TMEM134: variants seen among roughly 807,000 people sequenced by gnomAD.
TMEM134 encodes the protein transmembrane protein 134.
Under a neutral mutation model 26.2 loss-of-function variants are expected in TMEM134, and 36 were observed. That is an observed-to-expected ratio of 1.37 (90% CI 1.05 to 1.81). TMEM134 has a LOEUF of 1.81. TMEM134 is among the 40% of genes most tolerant of loss of function. TMEM134 has a pLI of 0.00. For missense variants in TMEM134, 339 were observed against 263.5 expected, an observed-to-expected ratio of 1.29 and a Z score of -1.98; for synonymous variants, 133 against 113.6, an observed-to-expected ratio of 1.17 and a Z score of -1.08.
At position 67,464,436 on chromosome 11, in the gene TMEM134, G is replaced by C; in HGVS notation, c.*178C>G. Reference sequence around the variant, plus strand: ...CGGCCCGAGAATAAGTTAAGGCACAGAGCAGGCGACGGGCGGCTTTCCCAG... The same window carrying C: ...CGGCCCGAGAATAAGTTAAGGCACACAGCAGGCGACGGGCGGCTTTCCCAG... On this transcript the variant is annotated 3_prime_UTR_variant, in exon 7 of 7. Coordinates refer to ENST00000308022, the MANE Select transcript of TMEM134 (RefSeq NM_025124.4). 19 of 645,390 alleles carry C rather than the reference G, an allele frequency of 2.9e-5. No individual in the cohort carries two copies. In the South Asian group the frequency reaches 3.5e-4, roughly 12 times the overall value. The allele number at this position is 645,390 out of a possible 1,614,324, so 40.0% of individuals were successfully genotyped here.
In TMEM134 at chr11:67,468,086, C is replaced by G. The variant is rs1167588299; in HGVS notation, c.181G>C (p.Glu61Gln). 6.4e-7 allele frequency: 1 copy of G among 1,563,496 alleles called. No individual in the cohort carries two copies. The highest frequency in any genetic ancestry group is 8.7e-7 in the Non-Finnish European group (1 of 1,153,554). ...KQSRLRYQNLENDEDGAQASP... is the reference protein window; with the variant it reads ...KQSRLRYQNLQNDEDGAQASP... ...GCCTGGGCTCCATCCTCATCGTTCT[C>G]CAGGTTCTGTTGCAGAACACAGGTC... is the stretch of plus-strand genomic sequence containing the variant. Residue 61 changes from glutamate to glutamine, a missense_variant, in exon 2 of 7, where the codon GAG (glutamate) becomes CAG (glutamine). Physicochemically the swap from Glu to Gln is conservative, Grantham distance 29. Coordinates refer to ENST00000308022, the MANE Select transcript of TMEM134 (RefSeq NM_025124.4).
chr11:67,464,891 G>T, intron 5 of TMEM134, 35 bp from the exon 6 acceptor site: 1 of 1,607,216 alleles, frequency 6.2e-7, no homozygotes. Flanking sequence ...CAGGGCGAGG[G>T]GGCGGAGGCT....
At chr11:67,464,734 C>A (rs917892903) in intron 6 of TMEM134, 38 bp from the exon 7 acceptor site, 11 of 1,549,410 alleles carry the variant, frequency 7.1e-6, no homozygotes, top group African/African-American at 5.5e-5. Context: ...AGCCCCGCCC[C>A]TCCCCGCAAC....
chr11:67,465,913 T>C lies in TMEM134; in HGVS notation c.407-813A>G, dbSNP rs61889865. The C allele has an allele frequency of 2.0e-5, 3 of 150,964 alleles. No individual in the cohort carries two copies. In the East Asian group the frequency reaches 5.8e-4, roughly 29 times the overall value. The allele number at this position is 150,964 out of a possible 1,614,324, so 9.4% of individuals were successfully genotyped here. ...TAGTGAGACCTTGTCTCTATTATTA[T>C]TTTAAAAAAAAAAAAATTAGCTGAG... On this transcript the variant is annotated intron_variant, in intron 4 of 6. Coordinates refer to ENST00000308022, the MANE Select transcript of TMEM134 (RefSeq NM_025124.4).
At position 67,464,430 on chromosome 11, in the gene TMEM134, G is replaced by A; in HGVS notation, c.*184C>T. Reference sequence around the variant, plus strand: ...GCCGCACGGCCCGAGAATAAGTTAAGGCACAGAGCAGGCGACGGGCGGCTT... The same window carrying A: ...GCCGCACGGCCCGAGAATAAGTTAAAGCACAGAGCAGGCGACGGGCGGCTT... On this transcript the variant is annotated 3_prime_UTR_variant, in exon 7 of 7. Coordinates refer to ENST00000308022, the MANE Select transcript of TMEM134 (RefSeq NM_025124.4). 1.6e-6 allele frequency: 1 copy of A among 634,666 alleles called. No homozygotes were observed. Among genetic ancestry groups the A allele is most frequent in the Non-Finnish European group, 2.8e-6 (1 of 355,818 alleles). The allele number at this position is 634,666 out of a possible 1,614,324, so 39.3% of individuals were successfully genotyped here.
chr11:67,464,591 A>G lies in TMEM134; in HGVS notation c.*23T>C, dbSNP rs1333824611. On this transcript the variant is annotated 3_prime_UTR_variant, in exon 7 of 7. Transcript: ENST00000308022. ...GCAAGAGGGGCGCCCCCATGGGCGC[A>G]AGGGGTCCACGCTGCGCCGCGATCA... 1 of 1,551,316 alleles carries G rather than the reference A, an allele frequency of 6.4e-7. No individual in the cohort carries two copies. Among genetic ancestry groups the G allele is most frequent in the African/African-American group, 1.4e-5 (1 of 73,064 alleles).
chr11:67,468,019 G>A lies in TMEM134; in HGVS notation c.239+9C>T, dbSNP rs775397001. ...GGGGTACAGGGTTGGGTCCCCACCT[G>A]GCCCTAACCTGGTGCCGACTCCCCC... On this transcript the variant is annotated intron_variant, in intron 2 of 6. Transcript: ENST00000308022. 8 of 1,554,184 alleles carry A rather than the reference G, an allele frequency of 5.1e-6. No homozygotes were observed. The East Asian group carries it at 1.9e-4, about 38-fold the overall frequency.
At chr11:67,464,745 AC>A in intron 6 of TMEM134, 49 bp from the exon 7 acceptor site, 3 of 1,545,612 alleles carry the variant, frequency 1.9e-6, no homozygotes, top group Non-Finnish European at 2.6e-6. Flanking sequence ...TCCCCGCAAC[AC>A]CGCCCCCAGT....
chr11:67,467,676 G>C, intron 2 of TMEM134, 86 bp from the exon 3 acceptor site: 2 of 1,346,494 alleles, frequency 1.5e-6, no homozygotes, highest in Non-Finnish European at 2.1e-6. Context: ...GCAGGGCATG[G>C]TGCAGGGACT....
intron 3 of TMEM134, 55 bp downstream of exon 3, chr11:67,467,446 G>A (rs1865335482): frequency 1.2e-6 from 2 of 1,612,502 alleles, no homozygotes; most frequent in Non-Finnish European, 1.7e-6. Context: ...GGTGCAGGAG[G>A]CTGTGGGGGT....
chr11:67,461,935 T>C lies in TMEM134; in HGVS notation c.*2679A>G, dbSNP rs1302427644. The stretch of plus-strand genomic sequence containing the variant: ...CTGAAATTGCTTTCTGTTAAGACTG[T>C]AGAATGAAGTCGGGCGAGGTGGCTC... On this transcript the variant is annotated 3_prime_UTR_variant, in exon 7 of 7. Transcript: ENST00000308022. 3 of 152,154 alleles carry C rather than the reference T, an allele frequency of 2.0e-5. No individual in the cohort carries two copies. The highest frequency in any genetic ancestry group is 1.3e-4 in the Admixed American group (2 of 15,258). The allele number at this position is 152,154 out of a possible 1,614,324, so 9.4% of individuals were successfully genotyped here. A position where few individuals can be genotyped will look rare whatever the true frequency, so the allele number is the denominator to read the frequency against.
At position 67,464,557 on chromosome 11, in the gene TMEM134, C is replaced by G; in HGVS notation, c.*57G>C. 6.6e-7 allele frequency: 1 copy of G among 1,519,334 alleles called. No individual in the cohort carries two copies. Among genetic ancestry groups the G allele is most frequent in the Non-Finnish European group, 8.9e-7 (1 of 1,117,932 alleles). The allele number at this position is 1,519,334 out of a possible 1,614,324, so 94.1% of individuals were successfully genotyped here. A position where few individuals can be genotyped will look rare whatever the true frequency, so the allele number is the denominator to read the frequency against. ...GCCTCTTCCCTTGAGATGAGGGGAA[C>G]GGAACAGGGCAAGAGGGGCGCCCCC... On this transcript the variant is annotated 3_prime_UTR_variant, in exon 7 of 7. Transcript: ENST00000308022.
rs1865110167 is a variant in TMEM134, at chr11:67,464,495, A to T, written c.*119T>A. 9.2e-7 allele frequency: 1 copy of T among 1,088,310 alleles called. No individual in the cohort carries two copies. Among genetic ancestry groups the T allele is most frequent in the Non-Finnish European group, 1.3e-6 (1 of 742,106 alleles). 67.4% of individuals were successfully genotyped at this position (1,088,310 alleles called of 1,614,324 possible). ...CTGCATGCCCCGAACTTCCTGAGCA[A>T]ACTCCCTAGGGGCTGGGGTTTCGAG... On this transcript the variant is annotated 3_prime_UTR_variant, in exon 7 of 7. Transcript: ENST00000308022.
In TMEM134 at chr11:67,465,271, G is replaced by A. The variant is rs1380222639; in HGVS notation, c.407-171C>T. The A allele has an allele frequency of 4.8e-6, 7 of 1,453,894 alleles. No homozygotes were observed. In the South Asian group the frequency reaches 9.6e-5, roughly 20 times the overall value. The allele number at this position is 1,453,894 out of a possible 1,614,324, so 90.1% of individuals were successfully genotyped here. On this transcript the variant is annotated intron_variant, in intron 4 of 6. Coordinates refer to ENST00000308022, the MANE Select transcript of TMEM134 (RefSeq NM_025124.4). ...AGAGCAAGGCACTGAGCAGGCCCTG[G>A]GAAGTGTGTGAAAGGAGAGATTTTT...
intron 1 of TMEM134, chr11:67,468,310 G>T (rs1865413459): frequency 3.5e-6 from 2 of 564,232 alleles, no homozygotes. Context: ...AGCCTGCATA[G>T]ATCCCAGGGA....
rs754113302 is a variant in TMEM134, at chr11:67,464,863, G to A, written c.452-7C>T. 1 of 1,610,302 alleles carries A rather than the reference G, an allele frequency of 6.2e-7. No individual in the cohort carries two copies. Among genetic ancestry groups the A allele is most frequent in the South Asian group, 1.1e-5 (1 of 90,918 alleles). ...AAGATGGCGCTGGAGACACCTGCGGGAGGGACCAGAGCCCGGTCAGGGCGA... is the reference window on the plus strand; with the variant it reads ...AAGATGGCGCTGGAGACACCTGCGGAAGGGACCAGAGCCCGGTCAGGGCGA... On this transcript the variant is annotated splice_polypyrimidine_tract_variant and splice_region_variant and intron_variant, in intron 5 of 6. Transcript: ENST00000308022.
rs1279718356 is a variant in TMEM134 at position 67,467,348 on chromosome 11, C to T, written c.370G>A (p.Val124Met). The change falls in exon 4 of 7, where the codon GTG becomes ATG. Residue 124 changes from valine (V) to methionine (M), a missense_variant. Coordinates refer to ENST00000308022, the MANE Select transcript of TMEM134 (RefSeq NM_025124.4). ...HPLIQKNRRV[V>M]LASFLLLLLG... The stretch of plus-strand genomic sequence containing the variant: ...AGCAGGAGCAGGAAGGAGGCCAGCA[C>T]CACTCGGCGGTTCTTCTGGATCAAA... 4.3e-6 allele frequency: 7 copies of T among 1,613,914 alleles called. No individual in the cohort carries two copies. Among genetic ancestry groups the T allele is most frequent in the South Asian group, 1.1e-5 (1 of 91,070 alleles).
intron 4 of TMEM134, chr11:67,466,992 C>G (rs1297317473): frequency 2.5e-6 from 1 of 404,112 alleles, no homozygotes; most frequent in African/African-American, 2.1e-5. Flanking sequence ...GCACCTTGCC[C>G]AGAGTAGACA....
rs548177724 is a variant in TMEM134, at chr11:67,464,332, G to A, written c.*282C>T. ...TGGTGGGCTGGGCTAGCAGTGGCAG[G>A]ACAGGAGGAGAGCAATTGCCTCTGG... On this transcript the variant is annotated 3_prime_UTR_variant, in exon 7 of 7. Transcript: ENST00000308022. The A allele has an allele frequency of 2.0e-4, 102 of 505,636 alleles. 1 individual carries two copies. Among genetic ancestry groups the A allele is most frequent in the African/African-American group, 1.9e-3 (82 of 44,154 alleles). The allele number at this position is 505,636 out of a possible 1,614,324, so 31.3% of individuals were successfully genotyped here.
Sources: gnomAD v4.1 joint callset for allele counts on GRCh38, gnomAD v4.1.1 for gene constraint, MANE v1.5 for transcripts, NCBI Gene and HGNC (gene_info 2026-07-23, HGNC 2026-07-21) for gene names.